SGCG: variants seen among roughly 807,000 people sequenced by gnomAD.
SGCG encodes the protein sarcoglycan gamma, also known as gamma-sarcoglycan.
A neutral mutation model predicts 29.3 loss-of-function variants in SGCG; 26 were observed. That is an observed-to-expected ratio of 0.89 (90% CI 0.65 to 1.23). SGCG has a LOEUF of 1.23. Ranked by LOEUF, SGCG falls within the 50% of genes most tolerant of loss-of-function variation. The probability of loss-of-function intolerance (pLI) is 0.00; values close to 1 mark genes in which losing one functional copy is unlikely to be tolerated. For synonymous variants in SGCG, 145 were observed against 129.7 expected (o/e 1.12, Z -0.80); for missense variants, 353 against 356.0 (o/e 0.99, Z 0.07).
chr13:23,294,280 G>A (rs1297407526), intron 5 of SGCG, among the ~76,000 whole-genome samples: 2 of 152,278 alleles, frequency 1.3e-5, no homozygotes, highest in South Asian at 4.1e-4. Flanking sequence ...GCAATGTGGT[G>A]CTGCTTATAT....
chr13:23,209,827 T>C (rs532220301), intron 2 of SGCG, among the ~76,000 whole-genome samples: 4 of 152,336 alleles, frequency 2.6e-5, no homozygotes, highest in African/African-American at 9.6e-5. Flanking sequence ...AAAAAGCATC[T>C]ATATTGTTTA....
intron 1 of SGCG, among the ~76,000 whole-genome samples, chr13:23,195,332 C>T (rs900295001): frequency 2.0e-5 from 3 of 152,132 alleles, no homozygotes; most frequent in Admixed American, 1.3e-4. Flanking sequence ...TCTGAATTGC[C>T]TACCCGTGTA....
At chr13:23,171,698 AT>A in the SGCG span, among the ~76,000 whole-genome samples, 1 of 152,144 alleles carries the variant, frequency 6.6e-6, no homozygotes, top group African/African-American at 2.4e-5. Flanking sequence ...AGGCATTAGA[AT>A]CCCATAAGAT....
chr13:23,240,557 C>T (rs1879467310), intron 3 of SGCG, among the ~76,000 whole-genome samples: 1 of 152,196 alleles, frequency 6.6e-6, no homozygotes, highest in Non-Finnish European at 1.5e-5. Context: ...CAAGATAGAT[C>T]ATATTTTGAA....
chr13:23,295,306 CAAGA>C, intron 5 of SGCG, 105 bp from the exon 6 acceptor site: 1 of 956,658 alleles, frequency 1.0e-6, no homozygotes, highest in Non-Finnish European at 1.7e-6. Context: ...AAAAATTCTG[CAAGA>C]AAGAACAAAA....
intron 2 of SGCG, among the ~76,000 whole-genome samples, chr13:23,224,685 A>ACACACACC (rs1464668127): frequency 1.7e-5 from 1 of 58,560 alleles, no homozygotes; most frequent in Admixed American, 1.8e-4. Context: ...CACACACCCC[A>ACACACACC]CACCAGTGCA....
intron 5 of SGCG, among the ~76,000 whole-genome samples, chr13:23,294,653 GA>G (rs1311391163): frequency 1.3e-5 from 2 of 152,150 alleles, no homozygotes; most frequent in Admixed American, 1.3e-4. Context: ...ATTTATGTAT[GA>G]AAACCCCTAT....
At chr13:23,187,814 A>G (rs1877052398) in intron 1 of SGCG, among the ~76,000 whole-genome samples, 1 of 152,184 alleles carries the variant, frequency 6.6e-6, no homozygotes, top group African/African-American at 2.4e-5. Flanking sequence ...ATGCTGTCCC[A>G]TGACCAGGTG....
At chr13:23,264,924 TTAGCTC>T (rs1467134893) in intron 4 of SGCG, among the ~76,000 whole-genome samples, 7 of 152,128 alleles carry the variant, frequency 4.6e-5, no homozygotes, top group Non-Finnish European at 1.0e-4. Flanking sequence ...TATACAAAAA[TTAGCTC>T]TAGATGGGTT....
the SGCG span, among the ~76,000 whole-genome samples, chr13:23,162,557 C>T: frequency 3.3e-5 from 5 of 152,266 alleles, no homozygotes; most frequent in Non-Finnish European, 7.3e-5. Flanking sequence ...ACCCGGGAGG[C>T]GGAGCTTGCA....
At chr13:23,301,432 G>A (rs147522997) in intron 6 of SGCG, among the ~76,000 whole-genome samples, 107 of 152,232 alleles carry the variant, frequency 7.0e-4, no homozygotes, top group African/African-American at 2.2e-3. Flanking sequence ...CCAAGGAACC[G>A]GGACTTCTTA....
intron 7 of SGCG, among the ~76,000 whole-genome samples, chr13:23,321,400 C>T (rs888405543): frequency 3.3e-5 from 5 of 152,112 alleles, no homozygotes; most frequent in Admixed American, 6.6e-5. Flanking sequence ...TAAAGTTTAA[C>T]TTATAAATAA....
At chr13:23,229,082 C>T (rs1879010181) in intron 2 of SGCG, among the ~76,000 whole-genome samples, 1 of 151,058 alleles carries the variant, frequency 6.6e-6, no homozygotes, top group African/African-American at 2.4e-5. Context: ...GTTGGCCAGG[C>T]TGGTCTTGAA....
chr13:23,272,786 T>G (rs985466160), intron 4 of SGCG, among the ~76,000 whole-genome samples: 1 of 152,200 alleles, frequency 6.6e-6, no homozygotes, highest in African/African-American at 2.4e-5. Flanking sequence ...CCCCATTTCT[T>G]GTATAAACAC....
intron 2 of SGCG, among the ~76,000 whole-genome samples, chr13:23,227,090 C>T (rs1165664490): frequency 6.6e-6 from 1 of 151,546 alleles, no homozygotes; most frequent in Non-Finnish European, 1.5e-5. Flanking sequence ...GGCATGAATC[C>T]CCCTTGTTCC....
rs775643720 is a variant in SGCG, at chr13:23,203,805, C to T, written c.111C>T (p.Tyr37=). The T allele has an allele frequency of 5.0e-6, 8 of 1,613,952 alleles. No individual in the cohort carries two copies. The highest frequency in any genetic ancestry group is 2.2e-5 in the East Asian group (1 of 44,880). Residue 37 remains tyrosine, a synonymous_variant, in exon 2 of 8, where the codon TAC becomes TAT. Coordinates refer to ENST00000218867, the MANE Select transcript of SGCG (RefSeq NM_000231.3). The part of the protein sequence containing the change: ...GIYGWRKRCL[Y]LFVLLLLIIL... Reference sequence around the variant, plus strand: ...ATGGCTGGAGAAAGCGCTGTCTCTACTTGTTTGTTCTTCTTTTACTCATCA... The same window carrying T: ...ATGGCTGGAGAAAGCGCTGTCTCTATTTGTTTGTTCTTCTTTTACTCATCA...
At chr13:23,292,974 A>G (rs12430068) in intron 5 of SGCG, among the ~76,000 whole-genome samples, 12,433 of 152,280 alleles carry the variant, frequency 0.082, 616 homozygotes, top group South Asian at 0.13. Context: ...AAATGAATAC[A>G]TATCATTATA....
At chr13:23,319,425 A>G (rs979702906) in intron 6 of SGCG, among the ~76,000 whole-genome samples, 3 of 152,202 alleles carry the variant, frequency 2.0e-5, no homozygotes, top group East Asian at 3.8e-4. Context: ...GCGTTTTCTC[A>G]TACTCAAGGT....
chr13:23,305,085 A>G (rs1287935722), intron 6 of SGCG, among the ~76,000 whole-genome samples: 1 of 152,192 alleles, frequency 6.6e-6, no homozygotes, highest in Non-Finnish European at 1.5e-5. Flanking sequence ...GAACTTGAGT[A>G]TTAACTTGTC....
Sources: allele counts gnomAD v4.1 joint callset (sites outside exome capture counted in the v4.1 genomes callset), GRCh38; gene constraint gnomAD v4.1.1; transcripts MANE v1.5; gene names NCBI Gene and HGNC (gene_info 2026-07-23, HGNC 2026-07-21).